The following DLC1 variants were observed in gnomAD, a reference collection of about 807,000 sequenced individuals.
The protein encoded by DLC1 is rho GTPase-activating protein 7.
DLC1 carries 54 observed loss-of-function variants against 140.3 expected under a neutral mutation model. The observed-to-expected ratio is 0.38, with a 90% CI of 0.31 to 0.48. DLC1 has a LOEUF of 0.48. Ranked by LOEUF, DLC1 falls within the 20% of genes least tolerant of loss-of-function variation. DLC1 has a pLI of 0.96. For synonymous variants in DLC1, 986 were observed against 728.1 expected, an observed-to-expected ratio of 1.35 and a Z score of -5.70; for missense variants, 2,536 against 1,907.0, an observed-to-expected ratio of 1.33 and a Z score of -6.14.
In DLC1 at chr8:13,369,913, TAAA is replaced by T. The variant is rs71207148; in HGVS notation, c.1314+23637_1314+23639del. The stretch of plus-strand genomic sequence containing the variant: ...AGAAGTCAAAGTCAGATTTAAAACT[TAAA>T]AAAAAAAAAAATGGAAAAAGGAAAA... On this transcript the variant is annotated intron_variant, in intron 4 of 17. Transcript: ENST00000276297. 2.8e-5 allele frequency among the ~76,000 whole-genome samples: 4 copies of T among 141,618 alleles called. No individual in the cohort carries two copies. The South Asian group carries it at 9.0e-4, about 32-fold the overall frequency. The allele number at this position is 141,618 out of a possible 152,430, so 92.9% of individuals were successfully genotyped here. A position where few individuals can be genotyped will look rare whatever the true frequency, so the allele number is the denominator to read the frequency against.
At chr8:13,421,143 A>G (rs893455126) in intron 2 of DLC1, among the ~76,000 whole-genome samples, 1 of 152,206 alleles carries the variant, frequency 6.6e-6, no homozygotes, top group Non-Finnish European at 1.5e-5. Context: ...CCAAAACTCG[A>G]TGACAGATCC....
chr8:13,327,115 C>T lies in DLC1; in HGVS notation c.1315-21813G>A, dbSNP rs903857480. ...GACTATAGGCGCCCGCCACCACACC[C>T]GGCTATTTTTTTTTTTTTTTTTTTT... On this transcript the variant is annotated intron_variant, in intron 4 of 17. Transcript: ENST00000276297. Among the ~76,000 whole-genome samples, 847 of 136,820 alleles carry T rather than the reference C, an allele frequency of 6.2e-3. 16 individuals are homozygous for T. The highest frequency in any genetic ancestry group is 8.5e-3 in the Non-Finnish European group (544 of 64,322). 89.8% of individuals were successfully genotyped at this position (136,820 alleles called of 152,430 possible).
chr8:13,308,080 A>G (rs1832528244), intron 4 of DLC1, among the ~76,000 whole-genome samples: 1 of 152,248 alleles, frequency 6.6e-6, no homozygotes, highest in Non-Finnish European at 1.5e-5. Flanking sequence ...TTGACCAGTG[A>G]CAAAAACAAG....
At position 13,493,116 on chromosome 8, in the gene DLC1, C is replaced by T. The variant is rs115194320; in HGVS notation, c.1023+5933G>A. Among the ~76,000 whole-genome samples the T allele has an allele frequency of 3.4e-3, 514 of 152,250 alleles. 3 individuals carry two copies. The highest frequency in any genetic ancestry group is 0.012 in the African/African-American group (501 of 41,538). On this transcript the variant is annotated intron_variant, in intron 2 of 17. Transcript: ENST00000276297. Reference sequence around the variant, plus strand: ...AGCTCCAGTCTTTAGCCTAGGGAAACAAGTGTCAAAACAAGGGGATTTGGG... The same window carrying T: ...AGCTCCAGTCTTTAGCCTAGGGAAATAAGTGTCAAAACAAGGGGATTTGGG...
At position 13,142,999 on chromosome 8, in the gene DLC1, T is replaced by C. The variant is rs536379311; in HGVS notation, c.1349-27342A>G. Among the ~76,000 whole-genome samples, 9 of 147,468 alleles carry C rather than the reference T, an allele frequency of 6.1e-5. No individual in the cohort carries two copies. The East Asian group carries it at 9.9e-4, about 16-fold the overall frequency. ...CAGAGGTTGCGGTGAGCCAAGATTG[T>C]GCCGTTGCGCTCCAGCCTGGGCAAC... On this transcript the variant is annotated intron_variant, in intron 5 of 17. Transcript: ENST00000276297.
At chr8:13,243,406 A>C (rs1829626402) in intron 5 of DLC1, among the ~76,000 whole-genome samples, 1 of 151,010 alleles carries the variant, frequency 6.6e-6, no homozygotes, top group Non-Finnish European at 1.5e-5. Flanking sequence ...GAGTTTCCTG[A>C]GGCCTCCCCA....
At position 13,085,839 on chromosome 8, in the gene DLC1, G is replaced by C. The variant is rs2128924845; in HGVS notation, c.4559C>G (p.Thr1520Ser). The C allele has an allele frequency of 3.1e-6, 5 of 1,614,186 alleles. No homozygotes were observed. Among genetic ancestry groups the C allele is most frequent in the Non-Finnish European group, 4.2e-6 (5 of 1,180,028 alleles). ...CCTAGATTTGGTGTCTTTGGTTTCA[G>C]TGTTCTGGTTACTGAAGGAATCCCG... ...KIRDSFSNQN[T>S]ETKDTKSR Residue 1520 changes from threonine to serine, a missense_variant, in exon 18 of 18, where the codon ACT becomes AGT. Coordinates refer to ENST00000276297, the MANE Select transcript of DLC1 (RefSeq NM_182643.3).
intron 2 of DLC1, among the ~76,000 whole-genome samples, chr8:13,482,117 A>T (rs1037374053): frequency 6.6e-6 from 1 of 152,208 alleles, no homozygotes; most frequent in African/African-American, 2.4e-5. Flanking sequence ...CATGCAATTT[A>T]AGGTGCTTTG....
rs1403286285 is a variant in DLC1 at position 13,553,222 on chromosome 8, A to ATATG, written c.-126+51314_-126+51315insCATA. Among the ~76,000 whole-genome samples the ATATG allele has an allele frequency of 3.5e-4, 23 of 65,836 alleles. 1 individual carries two copies. The highest frequency in any genetic ancestry group is 6.9e-4 in the African/African-American group (11 of 15,970). The allele number at this position is 65,836 out of a possible 152,430, so 43.2% of individuals were successfully genotyped here. On this transcript the variant is annotated intron_variant, in intron 1 of 1. Coordinates refer to the DLC1 transcript ENST00000631382. ...AGCTGTCATATATATATATATATAT[A>ATATG]TATATGTATATATATATATATATAT...
chr8:13,188,021 T>C (rs1412928982), intron 5 of DLC1, among the ~76,000 whole-genome samples: 4 of 152,122 alleles, frequency 2.6e-5, no homozygotes, highest in Non-Finnish European at 2.9e-5. Flanking sequence ...CTTTGGGAGT[T>C]TAGGTTGCTA....
At chr8:13,332,388 G>C (rs1368057009) in intron 4 of DLC1, among the ~76,000 whole-genome samples, 1 of 151,670 alleles carries the variant, frequency 6.6e-6, no homozygotes, top group Non-Finnish European at 1.5e-5. Context: ...TACCTTGGTA[G>C]CTGCTGGAAA....
intron 1 of DLC1, chr8:13,567,680 G>A (rs1363127945): frequency 6.4e-7 from 1 of 1,551,788 alleles, no homozygotes; most frequent in Non-Finnish European, 8.7e-7. Context: ...CTCCAAGAGA[G>A]AATAGATGAA....
intron 5 of DLC1, among the ~76,000 whole-genome samples, chr8:13,271,584 T>C (rs1025280786): frequency 3.3e-5 from 5 of 152,394 alleles, no homozygotes; most frequent in Middle Eastern, 3.4e-3. Flanking sequence ...ATTTATTTTA[T>C]GTCTGTTGAC....
intron 1 of DLC1, among the ~76,000 whole-genome samples, chr8:13,592,358 G>C (rs568522243): frequency 6.6e-6 from 1 of 151,422 alleles, no homozygotes; most frequent in South Asian, 2.1e-4. Flanking sequence ...TGTTTGTTTC[G>C]TTTATATTTT....
At chr8:13,362,594 T>C (rs1835282634) in intron 4 of DLC1, among the ~76,000 whole-genome samples, 1 of 152,038 alleles carries the variant, frequency 6.6e-6, no homozygotes, top group Non-Finnish European at 1.5e-5. Flanking sequence ...TATTATCTAG[T>C]ATTGTTGCCT....
At chr8:13,127,726 G>A (rs917237837) in intron 5 of DLC1, among the ~76,000 whole-genome samples, 2 of 152,228 alleles carry the variant, frequency 1.3e-5, no homozygotes, top group African/African-American at 4.8e-5. Flanking sequence ...CCACCCCAGG[G>A]TGTGGAAAAC....
At chr8:13,423,449 C>T (rs1044081997) in intron 2 of DLC1, among the ~76,000 whole-genome samples, 3 of 151,972 alleles carry the variant, frequency 2.0e-5, no homozygotes, top group Non-Finnish European at 2.9e-5. Flanking sequence ...GGGGAGGGAT[C>T]TTTGCTAGGA....
intron 5 of DLC1, among the ~76,000 whole-genome samples, chr8:13,178,572 CAAA>C (rs75910995): frequency 1.0e-4 from 8 of 79,080 alleles, no homozygotes; most frequent in African/African-American, 1.7e-4. Context: ...GACTCTGCCT[CAAA>C]AAAAAAAAAA....
chr8:13,464,188 C>G (rs1488474847), intron 2 of DLC1, among the ~76,000 whole-genome samples: 4 of 152,110 alleles, frequency 2.6e-5, no homozygotes, highest in Non-Finnish European at 5.9e-5. Context: ...TCTTTGTCTT[C>G]TTAATCTGGA....
Sources: gnomAD v4.1 joint callset for allele counts (sites outside exome capture counted in the v4.1 genomes callset) on GRCh38, gnomAD v4.1.1 for gene constraint, MANE v1.5 for transcripts, NCBI Gene and HGNC (gene_info 2026-07-23, HGNC 2026-07-21) for gene names.